Variants in PTPRJ observed in about 807,000 individuals in gnomAD.
PTPRJ encodes receptor-type tyrosine-protein phosphatase eta.
Under a neutral mutation model 141.3 loss-of-function variants are expected in PTPRJ, and 129 were observed. The observed-to-expected ratio is 0.91, with a 90% CI of 0.79 to 1.06. PTPRJ has a LOEUF of 1.06. Ranked by LOEUF, PTPRJ falls within the 50% of genes least tolerant of loss-of-function variation. The pLI is 0.00. For synonymous variants in PTPRJ, 610 were observed against 640.5 expected (o/e 0.95, Z 0.72); for missense variants, 1,601 against 1,679.7 (o/e 0.95, Z 0.82).
chr11:48,112,618 GAA>G (rs1165604114), intron 2 of PTPRJ, 127 bp from the exon 3 acceptor site: 5 of 712,160 alleles, frequency 7.0e-6, no homozygotes, highest in Middle Eastern at 3.6e-4. Flanking sequence ...ATGATACAAA[GAA>G]GAGAAAGAGA....
At position 48,164,453 on chromosome 11, in the gene PTPRJ, G is replaced by A. The variant is rs550632588; in HGVS notation, c.3793G>A (p.Val1265Met). Residue 1265 changes from valine to methionine, a missense_variant, in exon 24 of 25, where the codon GTG (valine) becomes ATG (methionine). Val to Met is a conservative substitution (Grantham distance 21, BLOSUM62 1). Coordinates refer to ENST00000418331, the MANE Select transcript of PTPRJ (RefSeq NM_002843.4). ...CTACCAGATAGAGAATGAGAACACC[G>A]TGGATGTGTATGGGATTGTGTATGA... is the stretch of plus-strand genomic sequence containing the variant. ...LIYQIENENT[V>M]DVYGIVYDLR... 4.5e-5 allele frequency: 73 copies of A among 1,613,920 alleles called. 1 individual carries two copies. In the East Asian group the frequency reaches 1.3e-3, roughly 29 times the overall value.
At chr11:48,038,145 T>C (rs1854173982) in intron 1 of PTPRJ, among the ~76,000 whole-genome samples, 1 of 152,174 alleles carries the variant, frequency 6.6e-6, no homozygotes, top group African/African-American at 2.4e-5. Context: ...TTTTGATTCA[T>C]CTACTTGAAG....
At chr11:47,989,503 C>A (rs1854136028) in intron 1 of PTPRJ, among the ~76,000 whole-genome samples, 1 of 151,606 alleles carries the variant, frequency 6.6e-6, no homozygotes, top group Admixed American at 6.6e-5. Context: ...GTCTTGAACT[C>A]CTGATCTCAG....
chr11:48,142,043 G>A (rs1030955440), intron 11 of PTPRJ, among the ~76,000 whole-genome samples: 3 of 8,974 alleles, frequency 3.3e-4, no homozygotes, highest in Non-Finnish European at 5.8e-4. Flanking sequence ...TAAGATAGAG[G>A]TCCAGTTTTA....
At chr11:48,042,812 AAG>A (rs1490548690) in intron 1 of PTPRJ, among the ~76,000 whole-genome samples, 2 of 146,196 alleles carry the variant, frequency 1.4e-5, no homozygotes, top group Non-Finnish European at 3.0e-5. Flanking sequence ...GAAAGAGAGT[AAG>A]AGAGAGCGAG....
In PTPRJ at chr11:48,156,078, T is replaced by G. The variant is rs1396360182; in HGVS notation, c.3397T>G (p.Tyr1133Asp). 3 of 1,598,802 alleles carry G rather than the reference T, an allele frequency of 1.9e-6. No homozygotes were observed. The African/African-American group carries it at 4.0e-5, about 21-fold the overall frequency. ...FWRMVWEKNV[Y>D]AIIMLTKCVE... ...GCGTATGGTTTGGGAGAAAAATGTA[T>G]ATGCCATCATTATGTTGACTAAATG... Residue 1133 changes from tyrosine to aspartate, a missense_variant, in exon 21 of 25, where the codon TAT (tyrosine) becomes GAT (aspartate). Transcript: ENST00000418331.
intron 1 of PTPRJ, among the ~76,000 whole-genome samples, chr11:48,107,371 G>T (rs1303736288): frequency 6.6e-6 from 1 of 152,162 alleles, no homozygotes; most frequent in African/African-American, 2.4e-5. Context: ...GCTCACCGGC[G>T]AGGGGTTTCC....
chr11:48,031,636 C>T lies in PTPRJ; in HGVS notation c.96+50628C>T, dbSNP rs1228049. On this transcript the variant is annotated intron_variant, in intron 1 of 24. Transcript: ENST00000418331. The stretch of plus-strand genomic sequence containing the variant: ...CTGAGTCTGGCTCAACACACAGGGT[C>T]GGATCCTGGCTGCGCTCCTTACTGC... 5.3e-3 allele frequency among the ~76,000 whole-genome samples: 802 copies of T among 152,234 alleles called. 8 individuals carry two copies. The highest frequency in any genetic ancestry group is 0.019 in the African/African-American group (775 of 41,530).
intron 1 of PTPRJ, among the ~76,000 whole-genome samples, chr11:47,993,766 ATTG>A (rs751858362): frequency 1.9e-4 from 29 of 151,498 alleles, no homozygotes; most frequent in Non-Finnish European, 3.8e-4. Context: ...CCTTCTGGAG[ATTG>A]TTAGCCCAAC....
At chr11:48,144,933 T>G (rs766205506) in intron 13 of PTPRJ, 48 bp downstream of exon 13, 2 of 1,613,848 alleles carry the variant, frequency 1.2e-6, no homozygotes, top group African/African-American at 2.7e-5. Context: ...CTCATGAGCA[T>G]AAAGCTCTAC....
chr11:48,086,797 C>G (rs769314611), intron 1 of PTPRJ, among the ~76,000 whole-genome samples: 1 of 152,124 alleles, frequency 6.6e-6, no homozygotes, highest in Non-Finnish European at 1.5e-5. Flanking sequence ...CTCAGAGCAG[C>G]AGTGCTTTAA....
intron 1 of PTPRJ, among the ~76,000 whole-genome samples, chr11:48,060,160 A>G (rs1854880416): frequency 6.6e-6 from 1 of 152,194 alleles, no homozygotes; most frequent in African/African-American, 2.4e-5. Context: ...CTCTAGGTCT[A>G]TAAAGTAGAT....
At position 48,167,489 on chromosome 11, in the gene PTPRJ, A is replaced by G. The variant is rs952995493; in HGVS notation, c.*127A>G. 3.5e-6 allele frequency: 4 copies of G among 1,151,740 alleles called. No homozygotes were observed. The African/African-American group carries it at 6.3e-5, about 18-fold the overall frequency. 71.3% of individuals were successfully genotyped at this position (1,151,740 alleles called of 1,614,324 possible). On this transcript the variant is annotated 3_prime_UTR_variant, in exon 25 of 25. Coordinates refer to ENST00000418331, the MANE Select transcript of PTPRJ (RefSeq NM_002843.4). Reference sequence around the variant, plus strand: ...TCTTTGTTCTGTTTTGTGAGAACTAATTTTGAGGGCATGAAGCTGCATATG... The same window carrying G: ...TCTTTGTTCTGTTTTGTGAGAACTAGTTTTGAGGGCATGAAGCTGCATATG...
intron 1 of PTPRJ, among the ~76,000 whole-genome samples, chr11:48,020,412 C>G (rs1488624816): frequency 6.6e-6 from 1 of 152,164 alleles, no homozygotes; most frequent in East Asian, 1.9e-4. Flanking sequence ...CTCTTTGTTT[C>G]TTGCTGTTAT....
At position 48,150,175 on chromosome 11, in the gene PTPRJ, G is replaced by T; in HGVS notation, c.3130G>T (p.Glu1044Ter). ...QADSNCGFAE[E>*]YEDLKLVGIS... ...TGACTCCAACTGTGGGTTCGCAGAG[G>T]AATACGAAGTATGTTGCTGTAAATA... The change falls in exon 18 of 25, where the codon GAA (glutamate) becomes TAA (stop). Residue 1044 changes from glutamate to a stop codon, truncating the protein, a stop_gained. Coordinates refer to ENST00000418331, the MANE Select transcript of PTPRJ (RefSeq NM_002843.4). LOFTEE classifies it high-confidence loss of function. The T allele has an allele frequency of 1.9e-6, 3 of 1,613,710 alleles. No individual in the cohort carries two copies. Among genetic ancestry groups the T allele is most frequent in the Non-Finnish European group, 2.5e-6 (3 of 1,179,632 alleles).
rs143417583 is a variant in PTPRJ at position 48,116,124 on chromosome 11, G to A, written c.352+3141G>A. On this transcript the variant is annotated intron_variant, in intron 3 of 24. Transcript: ENST00000418331. ...TCTCCAATCAAAAGACATAGAGTGC[G>A]TGAATGGGTTAAAAAAAAAAACCGA... Among the ~76,000 whole-genome samples the A allele has an allele frequency of 2.7e-3, 396 of 149,256 alleles. 2 individuals are homozygous for A. The highest frequency in any genetic ancestry group is 9.4e-3 in the African/African-American group (389 of 41,274).
At chr11:48,038,163 C>G (rs866550333) in intron 1 of PTPRJ, among the ~76,000 whole-genome samples, 78 of 152,240 alleles carry the variant, frequency 5.1e-4, no homozygotes, top group African/African-American at 1.8e-3. Context: ...AAGACAAGAG[C>G]TGGTCTTGGG....
chr11:48,107,531 C>A lies in PTPRJ; in HGVS notation c.97-2527C>A, dbSNP rs187154823. 5.9e-5 allele frequency among the ~76,000 whole-genome samples: 9 copies of A among 152,264 alleles called. No homozygotes were observed. In the East Asian group the frequency reaches 1.7e-3, roughly 29 times the overall value. Reference sequence around the variant, plus strand: ...ACTGTGGGCCGTACTGCATTCTTCCCGTGTCTGTCACTGCTGAGTCGTGAG... The same window carrying A: ...ACTGTGGGCCGTACTGCATTCTTCCAGTGTCTGTCACTGCTGAGTCGTGAG... On this transcript the variant is annotated intron_variant, in intron 1 of 24. Coordinates refer to ENST00000418331, the MANE Select transcript of PTPRJ (RefSeq NM_002843.4).
intron 4 of PTPRJ, among the ~76,000 whole-genome samples, chr11:48,121,901 T>A (rs1856717150): frequency 6.6e-6 from 1 of 152,074 alleles, no homozygotes; most frequent in Non-Finnish European, 1.5e-5. Flanking sequence ...CCTCTGTTAG[T>A]TTTCTGATCT....
Sources: allele counts gnomAD v4.1 joint callset (sites outside exome capture counted in the v4.1 genomes callset), GRCh38; gene constraint gnomAD v4.1.1; transcripts MANE v1.5; gene names NCBI Gene and HGNC (gene_info 2026-07-23, HGNC 2026-07-21).